Variants in SMURF1 observed in about 807,000 individuals in gnomAD.
SMURF1 encodes the protein SMAD specific E3 ubiquitin protein ligase 1, also known as E3 ubiquitin-protein ligase SMURF1.
SMURF1 carries 44 observed loss-of-function variants against 98.0 expected under a neutral mutation model. That is an observed-to-expected ratio of 0.45 (90% CI 0.35 to 0.58). The LOEUF is 0.58. Ranked by LOEUF, SMURF1 falls within the 20% of genes least tolerant of loss-of-function variation. SMURF1 has a pLI of 0.00. For missense variants in SMURF1, 687 were observed against 938.4 expected, an observed-to-expected ratio of 0.73 and a Z score of 3.50; for synonymous variants, 396 against 374.9, an observed-to-expected ratio of 1.06 and a Z score of -0.65.
intron 1 of SMURF1, among the ~76,000 whole-genome samples, chr7:99,108,645 AAAG>A (rs1797253095): frequency 6.7e-6 from 1 of 150,254 alleles, no homozygotes; most frequent in Non-Finnish European, 1.5e-5. Flanking sequence ...AGAAAGAAAG[AAAG>A]AAAAAAAGAA....
At chr7:99,049,250 C>A in intron 9 of SMURF1, 1 of 315,298 alleles carries the variant, frequency 3.2e-6, no homozygotes, top group South Asian at 3.4e-5. Context: ...ACTTCTCAAC[C>A]TAAGGGCCAC....
chr7:99,056,191 C>G (rs1237036041), intron 5 of SMURF1, among the ~76,000 whole-genome samples: 3 of 152,130 alleles, frequency 2.0e-5, no homozygotes, highest in Non-Finnish European at 4.4e-5. Context: ...GGGTGTATGT[C>G]TGCACTATTC....
At chr7:99,130,151 T>C (rs1797839720) in intron 1 of SMURF1, among the ~76,000 whole-genome samples, 1 of 152,190 alleles carries the variant, frequency 6.6e-6, no homozygotes, top group Non-Finnish European at 1.5e-5. Context: ...CTGAATTTTG[T>C]TTAAAAATAC....
intron 1 of SMURF1, among the ~76,000 whole-genome samples, chr7:99,133,018 G>T (rs919212447): frequency 3.3e-5 from 5 of 152,076 alleles, no homozygotes; most frequent in Non-Finnish European, 7.4e-5. Flanking sequence ...GCTCCAAGGA[G>T]GCTGGGGTGG....
chr7:99,074,381 G>T (rs1485978574), intron 1 of SMURF1, among the ~76,000 whole-genome samples: 1 of 152,184 alleles, frequency 6.6e-6, no homozygotes, highest in Non-Finnish European at 1.5e-5. Flanking sequence ...ATAGACCCAT[G>T]TCAACTGATG....
rs895735017 is a variant in SMURF1, at chr7:99,030,519, G to T, written c.*65C>A. 4 of 1,339,068 alleles carry T rather than the reference G, an allele frequency of 3.0e-6. No homozygotes were observed. The African/African-American group carries it at 4.3e-5, about 14-fold the overall frequency. 82.9% of individuals were successfully genotyped at this position (1,339,068 alleles called of 1,614,324 possible). ...GGCCTCTGCCAGCTTTGCAGGAGGTGCACAGAAGCTGGATGCTTTTGGTCT... is the reference window on the plus strand; with the variant it reads ...GGCCTCTGCCAGCTTTGCAGGAGGTTCACAGAAGCTGGATGCTTTTGGTCT... On this transcript the variant is annotated 3_prime_UTR_variant, in exon 18 of 18. Coordinates refer to ENST00000361368, the MANE Select transcript of SMURF1 (RefSeq NM_181349.3).
At chr7:99,047,597 T>A in intron 10 of SMURF1, 87 bp downstream of exon 10, 5 of 1,412,882 alleles carry the variant, frequency 3.5e-6, no homozygotes, top group Non-Finnish European at 4.9e-6. Flanking sequence ...AAGCAGCCCT[T>A]GAAAACAATC....
At chr7:99,088,176 T>G (rs1435423377) in intron 1 of SMURF1, among the ~76,000 whole-genome samples, 1 of 151,536 alleles carries the variant, frequency 6.6e-6, no homozygotes. Flanking sequence ...GAGAATCACT[T>G]GAACTTCTTA....
At position 99,111,193 on chromosome 7, in the gene SMURF1, T is replaced by C. The variant is rs74436399; in HGVS notation, c.55+32533A>G. ...CCAAGAATAATGGAATAAAGGTCAA[T>C]GATACAAAAAGGCAGTTCAGTGGAA... On this transcript the variant is annotated intron_variant, in intron 1 of 17. Coordinates refer to ENST00000361368, the MANE Select transcript of SMURF1 (RefSeq NM_181349.3). Among the ~76,000 whole-genome samples, 336 of 152,236 alleles carry C rather than the reference T, an allele frequency of 2.2e-3. 4 individuals are homozygous for C. In the East Asian group the frequency reaches 0.063, roughly 28 times the overall value.
intron 1 of SMURF1, among the ~76,000 whole-genome samples, chr7:99,093,101 C>T (rs1432592117): frequency 6.6e-6 from 1 of 152,074 alleles, no homozygotes; most frequent in Non-Finnish European, 1.5e-5. Context: ...GGTAGGAGGG[C>T]GCAGAGGGAG....
At chr7:99,121,802 T>C (rs1797629765) in intron 1 of SMURF1, among the ~76,000 whole-genome samples, 1 of 152,218 alleles carries the variant, frequency 6.6e-6, no homozygotes, top group Non-Finnish European at 1.5e-5. Flanking sequence ...GTCTGGAAAC[T>C]GTACACATGG....
chr7:99,036,930 G>C (rs1369084391), intron 15 of SMURF1, 137 bp downstream of exon 15: 1 of 1,296,680 alleles, frequency 7.7e-7, no homozygotes, highest in Non-Finnish European at 1.1e-6. Context: ...CTCCAGCCCT[G>C]GCTCTAGTCT....
chr7:99,038,855 C>A (rs1042622729), intron 13 of SMURF1, among the ~76,000 whole-genome samples: 50 of 152,036 alleles, frequency 3.3e-4, no homozygotes, highest in African/African-American at 1.2e-3. Context: ...GAAGAGGTAC[C>A]AGGGTCAAAG....
At chr7:99,052,096 C>A (rs1369905786) in intron 7 of SMURF1, 109 bp downstream of exon 7, 9 of 1,419,568 alleles carry the variant, frequency 6.3e-6, no homozygotes, top group Admixed American at 5.0e-5. Flanking sequence ...GATCATGCCA[C>A]TGCACTCCAG....
intron 15 of SMURF1, 36 bp from the exon 16 acceptor site, chr7:99,035,752 T>G (rs1395735620): frequency 1.9e-6 from 3 of 1,603,528 alleles, no homozygotes; most frequent in Non-Finnish European, 2.6e-6. Context: ...ACTTCCAAAA[T>G]GCATAAACCC....
intron 10 of SMURF1, among the ~76,000 whole-genome samples, chr7:99,046,554 C>A (rs926285380): frequency 2.0e-5 from 3 of 151,424 alleles, no homozygotes; most frequent in Non-Finnish European, 2.9e-5. Flanking sequence ...ATGGTGAAAC[C>A]CCCCCATCTC....
intron 1 of SMURF1, among the ~76,000 whole-genome samples, chr7:99,080,525 C>G (rs1272482956): frequency 6.6e-6 from 1 of 152,104 alleles, no homozygotes; most frequent in African/African-American, 2.4e-5. Context: ...TCTTGAACTC[C>G]CAACCTCAGG....
At chr7:99,094,990 T>C (rs1232934346) in intron 1 of SMURF1, among the ~76,000 whole-genome samples, 1 of 152,210 alleles carries the variant, frequency 6.6e-6, no homozygotes, top group Non-Finnish European at 1.5e-5. Flanking sequence ...GTTCCACTTC[T>C]GTGTGCACTG....
intron 16 of SMURF1, among the ~76,000 whole-genome samples, chr7:99,034,210 G>A (rs1200540370): frequency 6.6e-6 from 1 of 152,162 alleles, no homozygotes; most frequent in Admixed American, 6.5e-5. Flanking sequence ...CAGGGCCCTG[G>A]CCACTCTGCC....
Sources: allele counts gnomAD v4.1 joint callset (sites outside exome capture counted in the v4.1 genomes callset), GRCh38; gene constraint gnomAD v4.1.1; transcripts MANE v1.5; gene names NCBI Gene and HGNC (gene_info 2026-07-23, HGNC 2026-07-21).